Variants in KHSRP observed in about 807,000 individuals in gnomAD.
KHSRP encodes far upstream element-binding protein 2.
KHSRP carries 13 observed loss-of-function variants against 94.9 expected under a neutral mutation model. That is an observed-to-expected ratio of 0.14 (90% CI 0.09 to 0.22). The LOEUF is 0.22. Ranked by LOEUF, KHSRP falls within the 10% of genes least tolerant of loss-of-function variation. KHSRP has a pLI of 1.00. For synonymous variants in KHSRP, 495 were observed against 401.4 expected, an observed-to-expected ratio of 1.23 and a Z score of -2.79; for missense variants, 710 against 1,010.0, an observed-to-expected ratio of 0.70 and a Z score of 4.03.
chr19:6,420,320 T>C, intron 5 of KHSRP, 102 bp downstream of exon 5: 2 of 1,233,276 alleles, frequency 1.6e-6, no homozygotes, highest in Non-Finnish European at 2.4e-6. Flanking sequence ...GAACAGCACA[T>C]AGGAGCCCTC....
At position 6,416,283 on chromosome 19, in the gene KHSRP, G is replaced by A. The variant is rs756376195; in HGVS notation, c.1598+15C>T. 26 of 1,580,780 alleles carry A rather than the reference G, an allele frequency of 1.6e-5. No homozygotes were observed. The highest frequency in any genetic ancestry group is 2.3e-5 in the South Asian group (2 of 87,880). On this transcript the variant is annotated intron_variant, in intron 15 of 18. Coordinates refer to ENST00000600480, the MANE Select transcript of KHSRP (RefSeq NM_001366299.1). ...AGCCCCCGGCCTCAAAACCCAGGAG[G>A]CAGAGGATACTCACTGTGGGGGAGC...
In KHSRP at chr19:6,418,816, CTGTCCTGGGGG is replaced by C. The variant is rs2145119478; in HGVS notation, c.655_665del (p.Pro219ValfsTer35). ...GGCCCCCGTTGGCGTTGTCGTGGAA[CTGTCCTGGGGG>C]GCCCCCACGACCCCGAGACACAATG... On this transcript the variant is annotated frameshift_variant, in exon 8 of 19. Coordinates refer to ENST00000600480, the MANE Select transcript of KHSRP (RefSeq NM_001366299.1). LOFTEE classifies it high-confidence loss of function. The surrounding 1 kb of genome is among the most constrained non-coding windows in gnomAD (Gnocchi z 4.3). The C allele has an allele frequency of 6.3e-7, 1 of 1,591,848 alleles. No homozygotes were observed. The highest frequency in any genetic ancestry group is 1.4e-5 in the African/African-American group (1 of 73,538).
Position 6,413,453 on chromosome 19 carries a change from C to A in KHSRP, c.*1571G>T. ...CTCATTTTGTTTTCAGTTTCAATCTCCTCTTGAACAGATGAAAAGACAACA... is the reference window on the plus strand; with the variant it reads ...CTCATTTTGTTTTCAGTTTCAATCTACTCTTGAACAGATGAAAAGACAACA... On this transcript the variant is annotated 3_prime_UTR_variant, in exon 19 of 19. Coordinates refer to ENST00000600480, the MANE Select transcript of KHSRP (RefSeq NM_001366299.1). The A allele has an allele frequency of 2.5e-6, 1 of 404,046 alleles. No individual in the cohort carries two copies. The highest frequency in any genetic ancestry group is 4.9e-6 in the Non-Finnish European group (1 of 203,298). The allele number at this position is 404,046 out of a possible 1,614,324, so 25.0% of individuals were successfully genotyped here. A position where few individuals can be genotyped will look rare whatever the true frequency, so the allele number is the denominator to read the frequency against.
At chr19:6,422,515 TCTC>T in intron 1 of KHSRP, 79 bp from the exon 2 acceptor site, 2 of 1,032,018 alleles carry the variant, frequency 1.9e-6, no homozygotes, top group Non-Finnish European at 3.0e-6. Flanking sequence ...TCTCAGAACA[TCTC>T]CTGGACACGA....
Position 6,424,763 on chromosome 19 carries a change from G to T in KHSRP, c.-62C>A, listed in dbSNP as rs929169656. 6 of 723,636 alleles carry T rather than the reference G, an allele frequency of 8.3e-6. No homozygotes were observed. The highest frequency in any genetic ancestry group is 7.7e-5 in the African/African-American group (4 of 51,944). 44.8% of individuals were successfully genotyped at this position (723,636 alleles called of 1,614,324 possible). ...CTGAGGAGGCGGCGGCGGCGGCGGCGGCTCAACGCGGGAACAAGGCCTCGC... is the reference window on the plus strand; with the variant it reads ...CTGAGGAGGCGGCGGCGGCGGCGGCTGCTCAACGCGGGAACAAGGCCTCGC... On this transcript the variant is annotated 5_prime_UTR_variant, in exon 1 of 19. Coordinates refer to ENST00000600480, the MANE Select transcript of KHSRP (RefSeq NM_001366299.1).
chr19:6,419,083 G>C (rs2092177381), intron 7 of KHSRP, 120 bp downstream of exon 7: 4 of 1,165,438 alleles, frequency 3.4e-6, no homozygotes, highest in Middle Eastern at 2.5e-4. Flanking sequence ...TGGCTGTCTG[G>C]AGATGGGGGC....
rs780317054 is a variant in KHSRP at position 6,416,571 on chromosome 19, G to A, written c.1407C>T (p.Asp469=). 1.4e-5 allele frequency: 23 copies of A among 1,613,858 alleles called. No homozygotes were observed. The Admixed American group carries it at 3.8e-4, about 27-fold the overall frequency. The change falls in exon 14 of 19, where the codon GAC becomes GAT. Residue 469 remains aspartate, a synonymous_variant. Coordinates refer to ENST00000600480, the MANE Select transcript of KHSRP (RefSeq NM_001366299.1). ...GGATGATGAACAACTTGAAGTTGGG[G>A]TCCCCGTTGGGTGGCAGCTGCCGGG... ...EISRQLPPNG[D]PNFKLFIIRG... is the part of the protein sequence containing the mutation.
chr19:6,415,354 C>T (rs1207910869), intron 18 of KHSRP, 26 bp downstream of exon 18: 74 of 1,611,232 alleles, frequency 4.6e-5, no homozygotes, highest in Non-Finnish European at 5.9e-5. Flanking sequence ...TGCCCCTGCC[C>T]CTGTCCCCGC....
At chr19:6,417,208 G>C (rs983609369) in intron 11 of KHSRP, 121 bp from the exon 12 acceptor site, 1 of 736,432 alleles carries the variant, frequency 1.4e-6, no homozygotes, top group African/African-American at 1.8e-5. Flanking sequence ...GCGCTGCGCC[G>C]CTCCCAGCCT....
rs764927133 is a variant in KHSRP, at chr19:6,414,234, C to G, written c.*790G>C. 3 of 1,512,638 alleles carry G rather than the reference C, an allele frequency of 2.0e-6. No individual in the cohort carries two copies. Among genetic ancestry groups the G allele is most frequent in the Non-Finnish European group, 2.7e-6 (3 of 1,130,370 alleles). The allele number at this position is 1,512,638 out of a possible 1,614,324, so 93.7% of individuals were successfully genotyped here. A position where few individuals can be genotyped will look rare whatever the true frequency, so the allele number is the denominator to read the frequency against. ...CGTGGGGGGGGCCAGGAAGCCCCCT[C>G]CCAAACCTGCGCTGGCTCAGGCTGG... is the stretch of plus-strand genomic sequence containing the variant. On this transcript the variant is annotated 3_prime_UTR_variant, in exon 19 of 19. Coordinates refer to ENST00000600480, the MANE Select transcript of KHSRP (RefSeq NM_001366299.1).
In KHSRP at chr19:6,414,530, C is replaced by G; in HGVS notation, c.*494G>C. On this transcript the variant is annotated 3_prime_UTR_variant, in exon 19 of 19. Transcript: ENST00000600480. ...GGCAACGATCTTCACGCCCACTTCA[C>G]AGACAAGCCCGGGACACAGGCAAGC... 1 of 1,039,704 alleles carries G rather than the reference C, an allele frequency of 9.6e-7. No individual in the cohort carries two copies. Among genetic ancestry groups the G allele is most frequent in the Non-Finnish European group, 1.2e-6 (1 of 865,300 alleles). The allele number at this position is 1,039,704 out of a possible 1,614,324, so 64.4% of individuals were successfully genotyped here.
In KHSRP at chr19:6,418,129, ACC is replaced by A. The variant is rs771260489; in HGVS notation, c.880-52_880-51del. Reference sequence around the variant, plus strand: ...CCATGGGTGAGCCCTGCTGCCCCACACCCCCCCACCTCCTCGGGGGTGCGGGC... The same window carrying A: ...CCATGGGTGAGCCCTGCTGCCCCACACCCCCACCTCCTCGGGGGTGCGGGC... On this transcript the variant is annotated intron_variant, in intron 9 of 18. Transcript: ENST00000600480. This position sits in a 1 kb window ranked among gnomAD's most constrained non-coding sequence, Gnocchi z 4.3. 2 of 1,512,322 alleles carry A rather than the reference ACC, an allele frequency of 1.3e-6. No individual in the cohort carries two copies. The highest frequency in any genetic ancestry group is 1.8e-6 in the Non-Finnish European group (2 of 1,094,832). The allele number at this position is 1,512,322 out of a possible 1,614,324, so 93.7% of individuals were successfully genotyped here.
intron 1 of KHSRP, 180 bp downstream of exon 1, chr19:6,424,273 C>G: frequency 6.1e-6 from 1 of 164,528 alleles, no homozygotes; most frequent in Non-Finnish European, 1.3e-5. Flanking sequence ...GGGGGGTCAC[C>G]CGTTGGGATC....
rs751416171 is a variant in KHSRP at position 6,416,844 on chromosome 19, G to C, written c.1221C>G (p.Pro407=). 2 of 1,598,908 alleles carry C rather than the reference G, an allele frequency of 1.3e-6. No individual in the cohort carries two copies. Among genetic ancestry groups the C allele is most frequent in the African/African-American group, 2.7e-5 (2 of 74,252 alleles). The change falls in exon 13 of 19, where the codon CCC becomes CCG. Residue 407 remains proline (P), a synonymous_variant. Transcript: ENST00000600480. ...CTCTTCCTCGGCCTCGGCCCCCCGGGGGCATGCCTGGACCCCCTGGAGGAC... is the reference window on the plus strand; with the variant it reads ...CTCTTCCTCGGCCTCGGCCCCCCGGCGGCATGCCTGGACCCCCTGGAGGAC... ...PPGPPGGPGM[P]PGGRGRGRGQ...
rs117808562 is a variant in KHSRP, at chr19:6,421,139, G to A, written c.425+139C>T. 1.7e-3 allele frequency: 1,260 copies of A among 762,788 alleles called. 2 individuals are homozygous for A. The highest frequency in any genetic ancestry group is 2.0e-3 in the Non-Finnish European group (918 of 458,674). 47.3% of individuals were successfully genotyped at this position (762,788 alleles called of 1,614,324 possible). ...GACACAGCTCCTCTGCCTCATTCCC[G>A]TCTGAGCACTCTGGTCAACTGGCAC... On this transcript the variant is annotated intron_variant, in intron 4 of 18. Coordinates refer to ENST00000600480, the MANE Select transcript of KHSRP (RefSeq NM_001366299.1).
In KHSRP at chr19:6,422,103, G is replaced by GA. The variant is rs1019434394; in HGVS notation, c.346+236dup. 2.8e-4 allele frequency among the ~76,000 whole-genome samples: 42 copies of GA among 152,256 alleles called. 1 individual carries two copies. Among genetic ancestry groups the GA allele is most frequent in the African/African-American group, 9.9e-4 (41 of 41,552 alleles). ...TTGCCTCAGCCTCCCAGAAAGGGAG[G>GA]AATCATCTTGGGAACTTACAACTTC... On this transcript the variant is annotated intron_variant, in intron 2 of 18. Coordinates refer to ENST00000600480, the MANE Select transcript of KHSRP (RefSeq NM_001366299.1).
intron 11 of KHSRP, among the ~76,000 whole-genome samples, 166 bp from the exon 12 acceptor site, chr19:6,417,253 C>A (rs2092154591): frequency 6.6e-6 from 1 of 152,262 alleles, no homozygotes; most frequent in African/African-American, 2.4e-5. Flanking sequence ...AGGCGGCCCA[C>A]ATTCCCAGAG....
rs966321347 is a variant in KHSRP at position 6,414,995 on chromosome 19, C to T, written c.*29G>A. On this transcript the variant is annotated 3_prime_UTR_variant, in exon 19 of 19. Transcript: ENST00000600480. ...GCGGTGCGTGGGGACTCCCGGAGAC[C>T]TCCGGCCACACGGCCCCCGCTGCAG... 7 of 1,447,902 alleles carry T rather than the reference C, an allele frequency of 4.8e-6. No individual in the cohort carries two copies. The highest frequency in any genetic ancestry group is 6.3e-6 in the Non-Finnish European group (7 of 1,107,422). The allele number at this position is 1,447,902 out of a possible 1,614,324, so 89.7% of individuals were successfully genotyped here. A position where few individuals can be genotyped will look rare whatever the true frequency, so the allele number is the denominator to read the frequency against.
intron 6 of KHSRP, 59 bp downstream of exon 6, chr19:6,420,014 G>A (rs954842431): frequency 1.6e-5 from 21 of 1,307,540 alleles, no homozygotes; most frequent in East Asian, 2.3e-5. Context: ...GTAATTAAAG[G>A]AAAGTGCAAA....
Sources: allele counts gnomAD v4.1 joint callset (sites outside exome capture counted in the v4.1 genomes callset), GRCh38; gene constraint gnomAD v4.1.1; non-coding constraint Gnocchi (gnomAD v3.1); transcripts MANE v1.5; gene names NCBI Gene and HGNC (gene_info 2026-07-23, HGNC 2026-07-21).